Variants in TENM2 observed in about 807,000 individuals in gnomAD.
The protein encoded by TENM2 is teneurin transmembrane protein 2.
Under a neutral mutation model 245.2 loss-of-function variants are expected in TENM2, and 52 were observed. That is an observed-to-expected ratio of 0.21 (90% CI 0.17 to 0.27). TENM2 has a LOEUF of 0.27. TENM2 is among the 10% of genes least tolerant of loss of function. TENM2 has a pLI of 1.00. For synonymous variants in TENM2, 1,363 were observed against 1,438.9 expected (o/e 0.95, Z 1.19); for missense variants, 3,046 against 3,666.8 (o/e 0.83, Z 4.37).
intron 4 of TENM2, among the ~76,000 whole-genome samples, chr5:167,991,014 A>T (rs948871301): frequency 6.6e-6 from 1 of 152,198 alleles, no homozygotes; most frequent in Non-Finnish European, 1.5e-5. Flanking sequence ...TTTTTAAGTC[A>T]GGCAGACTGG....
chr5:168,248,926 C>T (rs1430937363), intron 27 of TENM2, among the ~76,000 whole-genome samples: 1 of 152,086 alleles, frequency 6.6e-6, no homozygotes, highest in Non-Finnish European at 1.5e-5. Flanking sequence ...CAAGATCAGC[C>T]TGGCCAAGAT....
intron 2 of TENM2, chr5:167,754,887 C>T (rs1762196222): frequency 1.1e-6 from 1 of 876,726 alleles, no homozygotes; most frequent in African/African-American, 1.7e-5. Flanking sequence ...AGGCTGTCTA[C>T]AGGGAAGGGA....
intron 23 of TENM2, among the ~76,000 whole-genome samples, chr5:168,222,408 A>G (rs1763746586): frequency 6.6e-6 from 1 of 152,204 alleles, no homozygotes; most frequent in Non-Finnish European, 1.5e-5. Flanking sequence ...CCTTCTCCCA[A>G]TCCAGCAACT....
chr5:167,774,508 A>G (rs2150786309), intron 2 of TENM2, among the ~76,000 whole-genome samples: 1 of 152,302 alleles, frequency 6.6e-6, no homozygotes, highest in Admixed American at 6.5e-5. Flanking sequence ...CTCACCATGT[A>G]TCATCTCAAC....
chr5:167,905,090 C>T (rs1404286360), intron 3 of TENM2, among the ~76,000 whole-genome samples: 1 of 152,118 alleles, frequency 6.6e-6, no homozygotes, highest in Non-Finnish European at 1.5e-5. Context: ...CAAAAATGAT[C>T]TCACGGTTGC....
chr5:167,244,646 A>T, the TENM2 span, among the ~76,000 whole-genome samples: 3 of 152,346 alleles, frequency 2.0e-5, no homozygotes, highest in Admixed American at 6.5e-5. Flanking sequence ...AGAGAAGCAC[A>T]TCTGAGAGAA....
intron 2 of TENM2, among the ~76,000 whole-genome samples, chr5:167,633,667 T>C (rs1386078235): frequency 6.6e-6 from 1 of 152,172 alleles, no homozygotes; most frequent in Non-Finnish European, 1.5e-5. Context: ...AGCCCTCTTT[T>C]CCCTTCCTCC....
the TENM2 span, among the ~76,000 whole-genome samples, chr5:167,040,972 T>A: frequency 3.9e-5 from 6 of 152,160 alleles, no homozygotes; most frequent in African/African-American, 1.4e-4. Flanking sequence ...ATCAATATGG[T>A]GGTCAGTTTT....
At chr5:168,040,014 C>T (rs866611704) in intron 5 of TENM2, among the ~76,000 whole-genome samples, 12 of 152,244 alleles carry the variant, frequency 7.9e-5, no homozygotes, top group Middle Eastern at 3.4e-3. Flanking sequence ...CTCACTGTAC[C>T]ATCCTGAGCC....
intron 7 of TENM2, among the ~76,000 whole-genome samples, chr5:168,084,672 A>G (rs920170008): frequency 3.9e-5 from 6 of 152,230 alleles, no homozygotes; most frequent in Non-Finnish European, 7.3e-5. Flanking sequence ...TCTTCCAGGA[A>G]CAGAGAGAAG....
chr5:167,650,895 G>C (rs1428234052), intron 2 of TENM2, among the ~76,000 whole-genome samples: 3 of 152,032 alleles, frequency 2.0e-5, no homozygotes, highest in Non-Finnish European at 4.4e-5. Flanking sequence ...CAGTATAAAA[G>C]TTGAAAGATA....
intron 12 of TENM2, chr5:168,130,222 T>C (rs1754449623): frequency 6.6e-6 from 1 of 152,232 alleles, no homozygotes; most frequent in Non-Finnish European, 1.5e-5. Flanking sequence ...ATTATTTATA[T>C]TTGAAAATGT....
chr5:167,151,264 A>T, the TENM2 span, among the ~76,000 whole-genome samples: 3 of 152,232 alleles, frequency 2.0e-5, 1 homozygote, highest in Admixed American at 2.0e-4. Flanking sequence ...ATTTTTTTCA[A>T]TGGGGAAAGT....
At chr5:167,164,611 T>C in the TENM2 span, among the ~76,000 whole-genome samples, 1 of 152,166 alleles carries the variant, frequency 6.6e-6, no homozygotes, top group Non-Finnish European at 1.5e-5. Context: ...AACTGATAAT[T>C]ATTTGAGTGC....
chr5:167,384,120 A>G (rs1761267456), intron 2 of TENM2, among the ~76,000 whole-genome samples: 1 of 152,150 alleles, frequency 6.6e-6, no homozygotes. Context: ...TTTTTCTTCT[A>G]ATTCTCTCTG....
At chr5:167,847,489 G>A (rs1482530450) in intron 2 of TENM2, among the ~76,000 whole-genome samples, 1 of 152,088 alleles carries the variant, frequency 6.6e-6, no homozygotes, top group Non-Finnish European at 1.5e-5. Context: ...CAAATCAAAT[G>A]CCAACCTCCT....
chr5:167,788,850 C>T (rs561417217), intron 2 of TENM2, among the ~76,000 whole-genome samples: 3 of 152,270 alleles, frequency 2.0e-5, no homozygotes, highest in African/African-American at 4.8e-5. Flanking sequence ...AAGTGACTTA[C>T]GTCACTCCTT....
chr5:167,337,123 C>CA (rs71591174), intron 1 of TENM2, among the ~76,000 whole-genome samples: 1,881 of 56,602 alleles, frequency 0.033, 170 homozygotes, highest in East Asian at 0.081. Context: ...GACTCCGTCT[C>CA]AAAAAAAAAA....
chr5:167,716,842 A>T (rs542176738), intron 2 of TENM2, among the ~76,000 whole-genome samples: 1 of 151,774 alleles, frequency 6.6e-6, no homozygotes, highest in African/African-American at 2.4e-5. Flanking sequence ...AGTGACTAAA[A>T]TTTACATAAA....
Sources: allele counts gnomAD v4.1 joint callset (sites outside exome capture counted in the v4.1 genomes callset), GRCh38; gene constraint gnomAD v4.1.1; transcripts MANE v1.5; gene names NCBI Gene and HGNC (gene_info 2026-07-23, HGNC 2026-07-21).